Variants in GTF2H2C observed in about 807,000 individuals in gnomAD.
The protein encoded by GTF2H2C is GTF2H2 family member C.
A neutral mutation model predicts 24.8 loss-of-function variants in GTF2H2C; 5 were observed. The observed-to-expected ratio is 0.20, with a 90% CI of 0.11 to 0.42. The LOEUF (loss-of-function observed/expected upper bound fraction) is 0.42. GTF2H2C is among the 20% of genes least tolerant of loss of function. GTF2H2C has a pLI of 1.00. For missense variants in GTF2H2C, 45 were observed against 169.8 expected, an observed-to-expected ratio of 0.27 and a Z score of 4.08; for synonymous variants, 14 against 52.6, an observed-to-expected ratio of 0.27 and a Z score of 3.18.
intron 8 of GTF2H2C, chr5:69,569,917 C>G (rs1446927239): frequency 1.1e-4 from 3 of 26,886 alleles, no homozygotes; most frequent in African/African-American, 2.1e-4. Flanking sequence ...GGTGATCTAC[C>G]CACCTCAGCC....
intron 2 of GTF2H2C, among the ~76,000 whole-genome samples, chr5:69,564,163 G>A (rs980947538): frequency 3.6e-5 from 5 of 137,184 alleles, no homozygotes; most frequent in African/African-American, 1.1e-4. Context: ...TTTTTTTTTC[G>A]TTGTTTTTTT....
chr5:69,561,093 G>C (rs1057345762), intron 1 of GTF2H2C, among the ~76,000 whole-genome samples: 4 of 152,080 alleles, frequency 2.6e-5, no homozygotes, highest in African/African-American at 9.7e-5. Flanking sequence ...CTGTTGGGAA[G>C]TGACAGGCCA....
chr5:69,573,376 G>T (rs1040863846), intron 9 of GTF2H2C, among the ~76,000 whole-genome samples: 1 of 86,944 alleles, frequency 1.2e-5, no homozygotes. Flanking sequence ...TACAGATGGG[G>T]TTTCATCATG....
chr5:69,561,834 G>C (rs1396049908), intron 1 of GTF2H2C, among the ~76,000 whole-genome samples: 1 of 150,598 alleles, frequency 6.6e-6, no homozygotes, highest in Non-Finnish European at 1.5e-5. Flanking sequence ...GTAGAGACAA[G>C]GTTATTGCCC....
rs1428862311 is a variant in GTF2H2C, at chr5:69,593,962, A to C, written c.*1764A>C. Among the ~76,000 whole-genome samples, 4 of 139,420 alleles carry C rather than the reference A, an allele frequency of 2.9e-5. No individual in the cohort carries two copies. Among genetic ancestry groups the C allele is most frequent in the Non-Finnish European group, 6.2e-5 (4 of 64,254 alleles). The allele number at this position is 139,420 out of a possible 152,430, so 91.5% of individuals were successfully genotyped here. ...AGAAAAAAAAAAAAAAAAAAAAAAA[A>C]AAGAGTAAATCAGGCTTTCATAGCA... On this transcript the variant is annotated 3_prime_UTR_variant, in exon 17 of 17. Transcript: ENST00000380729.
At chr5:69,562,248 G>A (rs1770412631) in intron 1 of GTF2H2C, among the ~76,000 whole-genome samples, 1 of 152,156 alleles carries the variant, frequency 6.6e-6, no homozygotes, top group South Asian at 2.1e-4. Context: ...GAACTCGGAG[G>A]CGGAGGTTGC....
At chr5:69,564,872 C>T (rs545489142) in intron 2 of GTF2H2C, among the ~76,000 whole-genome samples, 5 of 152,118 alleles carry the variant, frequency 3.3e-5, no homozygotes, top group Non-Finnish European at 7.4e-5. Context: ...TAAAAAGACA[C>T]TTATTTTTAT....
At chr5:69,566,093 T>C in intron 3 of GTF2H2C, 38 bp from the exon 4 acceptor site, 1 of 1,507,566 alleles carries the variant, frequency 6.6e-7, no homozygotes. Flanking sequence ...AGTAATCATT[T>C]TAGCTTGTCT....
At position 69,593,988 on chromosome 5, in the gene GTF2H2C, A is replaced by G. The variant is rs1233898339; in HGVS notation, c.*1790A>G. 7.8e-6 allele frequency among the ~76,000 whole-genome samples: 1 copy of G among 128,734 alleles called. No individual in the cohort carries two copies. The highest frequency in any genetic ancestry group is 1.7e-5 in the Non-Finnish European group (1 of 60,424). The allele number at this position is 128,734 out of a possible 152,430, so 84.5% of individuals were successfully genotyped here. A position where few individuals can be genotyped will look rare whatever the true frequency, so the allele number is the denominator to read the frequency against. On this transcript the variant is annotated 3_prime_UTR_variant, in exon 17 of 17. Transcript: ENST00000380729. ...AAGAGTAAATCAGGCTTTCATAGCA[A>G]AGGTATGTCTATTTTATGTATATAA...
At position 69,593,938 on chromosome 5, in the gene GTF2H2C, G is replaced by GAAAAA. The variant is rs1174187959; in HGVS notation, c.*1762_*1766dup. ...GCGACAGAGCTAGACTCTGTCTCAAGAAAAAAAAAAAAAAAAAAAAAAAAA... is the reference window on the plus strand; with the variant it reads ...GCGACAGAGCTAGACTCTGTCTCAAGAAAAAAAAAAAAAAAAAAAAAAAAAAAAAA... On this transcript the variant is annotated 3_prime_UTR_variant, in exon 17 of 17. Coordinates refer to ENST00000380729, the MANE Select transcript of GTF2H2C (RefSeq NM_001376000.2). Among the ~76,000 whole-genome samples, 49 of 41,768 alleles carry GAAAAA rather than the reference G, an allele frequency of 1.2e-3. 4 individuals carry two copies. The highest frequency in any genetic ancestry group is 5.0e-3 in the African/African-American group (47 of 9,470). 27.4% of individuals were successfully genotyped at this position (41,768 alleles called of 152,430 possible). A position where few individuals can be genotyped will look rare whatever the true frequency, so the allele number is the denominator to read the frequency against.
rs1481604955 is a variant in GTF2H2C, at chr5:69,594,650, A to G, written c.*2452A>G. ...CTTGCAGGAGATGCCTTTAATACTC[A>G]GAGCATTCTATCTCCCCCTATCTGG... On this transcript the variant is annotated 3_prime_UTR_variant, in exon 17 of 17. Coordinates refer to ENST00000380729, the MANE Select transcript of GTF2H2C (RefSeq NM_001376000.2). The G allele has an allele frequency of 8.8e-6, 1 of 114,108 alleles. No individual in the cohort carries two copies. Among genetic ancestry groups the G allele is most frequent in the Non-Finnish European group, 1.9e-5 (1 of 52,194 alleles). The allele number at this position is 114,108 out of a possible 1,614,324, so 7.1% of individuals were successfully genotyped here. A position where few individuals can be genotyped will look rare whatever the true frequency, so the allele number is the denominator to read the frequency against.
intron 2 of GTF2H2C, among the ~76,000 whole-genome samples, chr5:69,563,434 G>A (rs1295117789): frequency 8.6e-5 from 13 of 151,850 alleles, no homozygotes; most frequent in Admixed American, 4.6e-4. Context: ...GACTGGTCTC[G>A]AACTCCTGAC....
rs1162526295 is a variant in GTF2H2C, at chr5:69,594,055, A to AT, written c.*1876dup. ...CTTGAGTTTCACTATGAAATTTGTG[A>AT]TTTTTTTTTTTTTTTTTTTGAGATG... is the stretch of plus-strand genomic sequence containing the variant. On this transcript the variant is annotated 3_prime_UTR_variant, in exon 17 of 17. Coordinates refer to ENST00000380729, the MANE Select transcript of GTF2H2C (RefSeq NM_001376000.2). Among the ~76,000 whole-genome samples, 27 of 13,300 alleles carry AT rather than the reference A, an allele frequency of 2.0e-3. 3 individuals carry two copies. Among genetic ancestry groups the AT allele is most frequent in the Non-Finnish European group, 3.7e-3 (21 of 5,704 alleles). 8.7% of individuals were successfully genotyped at this position (13,300 alleles called of 152,430 possible).
At chr5:69,560,991 C>T (rs1770292941) in intron 1 of GTF2H2C, among the ~76,000 whole-genome samples, 1 of 151,992 alleles carries the variant, frequency 6.6e-6, no homozygotes, top group African/African-American at 2.4e-5. Context: ...TTCTTGACCT[C>T]GTGATCCTCC....
At position 69,594,262 on chromosome 5, in the gene GTF2H2C, G is replaced by A. The variant is rs1056786001; in HGVS notation, c.*2064G>A. 1 of 93,150 alleles carries A rather than the reference G, an allele frequency of 1.1e-5. No individual in the cohort carries two copies. The highest frequency in any genetic ancestry group is 3.6e-5 in the African/African-American group (1 of 27,442). The allele number at this position is 93,150 out of a possible 1,614,324, so 5.8% of individuals were successfully genotyped here. On this transcript the variant is annotated 3_prime_UTR_variant, in exon 17 of 17. Coordinates refer to ENST00000380729, the MANE Select transcript of GTF2H2C (RefSeq NM_001376000.2). The stretch of plus-strand genomic sequence containing the variant: ...GGTAGAGACGGGGTTTCACCTTGTT[G>A]ATCAGGCTGATCTCCAACTCCTGAC...
At chr5:69,563,225 T>G (rs896336321) in intron 2 of GTF2H2C, among the ~76,000 whole-genome samples, 6 of 147,206 alleles carry the variant, frequency 4.1e-5, no homozygotes, top group Non-Finnish European at 7.4e-5. Flanking sequence ...TTTTTTTTTT[T>G]TTTTTTTGAG....
rs574034761 is a variant in GTF2H2C, at chr5:69,565,919, G to A, written c.57-212G>A. On this transcript the variant is annotated intron_variant, in intron 3 of 16. Coordinates refer to ENST00000380729, the MANE Select transcript of GTF2H2C (RefSeq NM_001376000.2). ...ATTAATACTTCATTCCTTTTTTATT[G>A]CTGAATAGTATTCCCATCTATGGTT... 4 of 578,774 alleles carry A rather than the reference G, an allele frequency of 6.9e-6. No homozygotes were observed. In the South Asian group the frequency reaches 8.2e-5, roughly 12 times the overall value. The allele number at this position is 578,774 out of a possible 1,614,324, so 35.9% of individuals were successfully genotyped here.
At chr5:69,564,886 T>C (rs1214414856) in intron 2 of GTF2H2C, among the ~76,000 whole-genome samples, 1 of 152,114 alleles carries the variant, frequency 6.6e-6, no homozygotes, top group African/African-American at 2.4e-5. Flanking sequence ...TTTTTATTGG[T>C]ACCAAGTTTG....
rs549385787 is a variant in GTF2H2C, at chr5:69,565,041, A to G, written c.-33-59A>G. 5.4e-6 allele frequency: 4 copies of G among 740,922 alleles called. No homozygotes were observed. The East Asian group carries it at 8.2e-5, about 15-fold the overall frequency. The allele number at this position is 740,922 out of a possible 1,614,324, so 45.9% of individuals were successfully genotyped here. A position where few individuals can be genotyped will look rare whatever the true frequency, so the allele number is the denominator to read the frequency against. ...TATATGTGTCTAATTTTCAAATTTA[A>G]TTGGATGAATTTTGTAACAAACATC... On this transcript the variant is annotated intron_variant, in intron 2 of 16. Transcript: ENST00000380729.
Sources: gnomAD v4.1 joint callset for allele counts (sites outside exome capture counted in the v4.1 genomes callset) on GRCh38, gnomAD v4.1.1 for gene constraint, MANE v1.5 for transcripts, NCBI Gene and HGNC (gene_info 2026-07-23, HGNC 2026-07-21) for gene names.